The following DMD variants were observed in gnomAD, a reference collection of about 807,000 sequenced individuals.
The protein encoded by DMD is mutant dystrophin.
DMD carries 63 observed loss-of-function variants against 330.1 expected under a neutral mutation model. The observed-to-expected ratio is 0.19, with a 90% CI of 0.16 to 0.24. DMD has a LOEUF of 0.24. Among genes scored for constraint, DMD ranks in the 10% least tolerant of loss-of-function variants. The pLI, the probability that DMD is intolerant of heterozygous loss-of-function variation, is 1.00. For missense variants in DMD, 3,344 were observed against 2,684.1 expected, an observed-to-expected ratio of 1.25 and a Z score of -5.43; for synonymous variants, 1,223 against 959.8, an observed-to-expected ratio of 1.27 and a Z score of -5.07.
chrX:31,158,469 C>T (rs1276005224), intron 74 of DMD, among the ~76,000 whole-genome samples: 1 of 111,184 alleles, frequency 9.0e-6, no homozygotes, highest in Non-Finnish European at 1.9e-5. Context: ...GCAGGAGAAA[C>T]GAGGAGTGAC....
At chrX:31,853,959 T>C (rs994524388) in intron 48 of DMD, among the ~76,000 whole-genome samples, 2 of 111,721 alleles carry the variant, frequency 1.8e-5, no homozygotes, top group African/African-American at 6.5e-5. Flanking sequence ...GCACCTGAGA[T>C]GTCATGAGAG....
chrX:32,969,336 A>G lies in DMD; in HGVS notation c.93+50803T>C, dbSNP rs1430017576. On this transcript the variant is annotated intron_variant, in intron 2 of 78. Coordinates refer to ENST00000357033, the MANE Select transcript of DMD (RefSeq NM_004006.3). The stretch of plus-strand genomic sequence containing the variant: ...AACAAAAATTCTCTCACGTGCTACC[A>G]CATACATAGATAAAATATGTATGTA... 3.2e-5 allele frequency among the ~76,000 whole-genome samples: 3 copies of G among 93,297 alleles called. 1 individual carries two copies. The highest frequency in any genetic ancestry group is 6.1e-5 in the Non-Finnish European group (3 of 49,169). The allele number at this position is 93,297 out of a possible 115,157, so 81.0% of individuals were successfully genotyped here.
chrX:33,250,111 A>ATC (rs1268056183), intron 1 of DMD, among the ~76,000 whole-genome samples: 1 of 87,358 alleles, frequency 1.1e-5, no homozygotes, highest in East Asian at 3.2e-4. Context: ...ATATATATAT[A>ATC]TCAATGTACA....
At chrX:33,338,493 A>AAATAAATG (rs765518720) in intron 1 of DMD, among the ~76,000 whole-genome samples, 129 of 109,459 alleles carry the variant, frequency 1.2e-3, no homozygotes, top group African/African-American at 4.0e-3. Flanking sequence ...ATAAATAAAT[A>AAATAAATG]AATGCTCACA....
intron 21 of DMD, among the ~76,000 whole-genome samples, chrX:32,473,628 AGT>A (rs1187641545): frequency 9.0e-6 from 1 of 111,227 alleles, no homozygotes; most frequent in Non-Finnish European, 1.9e-5. Context: ...AATCTTAGAG[AGT>A]GTGTTGGCAA....
At chrX:31,724,017 A>G (rs1486055925) in intron 52 of DMD, among the ~76,000 whole-genome samples, 1 of 112,209 alleles carries the variant, frequency 8.9e-6, no homozygotes, top group Non-Finnish European at 1.9e-5. Context: ...ACCATCTCTG[A>G]TATTAGATAG....
intron 17 of DMD, among the ~76,000 whole-genome samples, chrX:32,521,808 C>A (rs925816196): frequency 1.3e-4 from 15 of 111,895 alleles, no homozygotes; most frequent in Non-Finnish European, 2.4e-4. Flanking sequence ...TTGTGCCCCA[C>A]AAAAGTTCGT....
chrX:32,909,060 T>C (rs1466855578), intron 2 of DMD, among the ~76,000 whole-genome samples: 1 of 108,920 alleles, frequency 9.2e-6, no homozygotes, highest in African/African-American at 3.4e-5. Context: ...TAATTTAAGG[T>C]GACCCTGGTA....
At chrX:31,807,435 G>C (rs2092325860) in intron 50 of DMD, among the ~76,000 whole-genome samples, 1 of 111,254 alleles carries the variant, frequency 9.0e-6, no homozygotes, top group Non-Finnish European at 1.9e-5. Context: ...TGAATTGACA[G>C]TTACAGATGT....
intron 2 of DMD, among the ~76,000 whole-genome samples, chrX:32,965,635 T>A (rs1213411238): frequency 9.0e-6 from 1 of 111,176 alleles, no homozygotes; most frequent in African/African-American, 3.3e-5. Context: ...AACCAGATGG[T>A]AATGATAATA....
chrX:32,806,329 A>T lies in DMD; in HGVS notation c.649+3164T>A, dbSNP rs761261035. The stretch of plus-strand genomic sequence containing the variant: ...ATAGACTTTAAACTAACAAAGATTT[A>T]AAAAAAACAAAAAAAGACAAAGAAG... On this transcript the variant is annotated intron_variant, in intron 7 of 78. Transcript: ENST00000357033. Among the ~76,000 whole-genome samples, 67 of 108,109 alleles carry T rather than the reference A, an allele frequency of 6.2e-4. No homozygotes were observed. In the South Asian group the frequency reaches 0.012, roughly 19 times the overall value. The allele number at this position is 108,109 out of a possible 115,157, so 93.9% of individuals were successfully genotyped here.
chrX:32,343,024 T>C (rs2097751934), intron 40 of DMD, 110 bp downstream of exon 40: 1 of 814,244 alleles, frequency 1.2e-6, no homozygotes, highest in South Asian at 2.1e-5. Context: ...ATGCATCAAA[T>C]CAAAGAGAAC....
intron 44 of DMD, among the ~76,000 whole-genome samples, chrX:32,180,768 A>G (rs1367337340): frequency 9.0e-6 from 1 of 111,552 alleles, no homozygotes; most frequent in Non-Finnish European, 1.9e-5. Flanking sequence ...GGCAGGAAGA[A>G]GTGCCCAGTG....
chrX:32,552,333 G>A (rs978529955), intron 16 of DMD, among the ~76,000 whole-genome samples: 3 of 111,692 alleles, frequency 2.7e-5, no homozygotes, highest in Admixed American at 9.6e-5. Flanking sequence ...ACAACCATCT[G>A]TTCTTCAATG....
rs1482160524 is a variant in DMD at position 33,220,403 on chromosome X, A to T, written c.7+118856T>A. On this transcript the variant is annotated intron_variant, in intron 1 of 17. Coordinates refer to the DMD transcript ENST00000288447. The stretch of plus-strand genomic sequence containing the variant: ...ATCAAGGATGAATAGATCCTACGCA[A>T]TGTAGCCTTTGCCTTCATTTTCAAC... 3.7e-4 allele frequency among the ~76,000 whole-genome samples: 41 copies of T among 111,920 alleles called. 1 individual carries two copies. The highest frequency in any genetic ancestry group is 1.9e-5 in the Non-Finnish European group (1 of 53,133).
chrX:31,147,550 A>G, intron 74 of DMD, 32 bp from the exon 75 acceptor site: 1 of 1,040,793 alleles, frequency 9.6e-7, no homozygotes, highest in Non-Finnish European at 1.3e-6. Context: ...AAAAGAAAAA[A>G]AAAGAAAGAA....
At chrX:32,654,631 G>A (rs1264061296) in intron 9 of DMD, among the ~76,000 whole-genome samples, 1 of 111,228 alleles carries the variant, frequency 9.0e-6, no homozygotes. Flanking sequence ...TTTTGTCTCT[G>A]CCAGGCTTTG....
At chrX:31,366,455 A>T (rs867154744) in intron 60 of DMD, among the ~76,000 whole-genome samples, 1 of 69,205 alleles carries the variant, frequency 1.4e-5, no homozygotes, top group Non-Finnish European at 2.5e-5. Flanking sequence ...AGGCTGATCC[A>T]CTCTCTCTCT....
intron 48 of DMD, among the ~76,000 whole-genome samples, chrX:31,848,133 C>T (rs1199142339): frequency 9.0e-6 from 1 of 111,472 alleles, no homozygotes; most frequent in Non-Finnish European, 1.9e-5. Flanking sequence ...ATTATTTCTC[C>T]TCCTCTTGAA....
Sources: gnomAD v4.1 joint callset for allele counts (sites outside exome capture counted in the v4.1 genomes callset) on GRCh38, gnomAD v4.1.1 for gene constraint, MANE v1.5 for transcripts, NCBI Gene and HGNC (gene_info 2026-07-23, HGNC 2026-07-21) for gene names.